The following NFIC variants were observed in gnomAD, a reference collection of about 807,000 sequenced individuals.
The protein encoded by NFIC is nuclear factor 1 C-type.
A neutral mutation model predicts 54.4 loss-of-function variants in NFIC; 12 were observed. The observed-to-expected ratio is 0.22, with a 90% CI of 0.14 to 0.36. The LOEUF is 0.36. Ranked by LOEUF, NFIC falls within the 10% of genes least tolerant of loss-of-function variation. The pLI is 1.00. For missense variants in NFIC, 575 were observed against 718.2 expected, an observed-to-expected ratio of 0.80 and a Z score of 2.28; for synonymous variants, 322 against 319.2, an observed-to-expected ratio of 1.01 and a Z score of -0.09.
chr19:3,448,076 C>T (rs915158378), intron 6 of NFIC, among the ~76,000 whole-genome samples: 4 of 148,798 alleles, frequency 2.7e-5, no homozygotes, highest in African/African-American at 9.9e-5. Flanking sequence ...GACTATCCAT[C>T]TGTTTTTTGT....
At chr19:3,389,759 G>T (rs1034291976) in intron 2 of NFIC, among the ~76,000 whole-genome samples, 1 of 152,110 alleles carries the variant, frequency 6.6e-6, no homozygotes, top group African/African-American at 2.4e-5. Flanking sequence ...CAGGCGGGTG[G>T]ATCACCTGAG....
At chr19:3,371,486 C>CGAAT (rs923625050) in intron 1 of NFIC, 16 of 68,656 alleles carry the variant, frequency 2.3e-4, no homozygotes, top group Admixed American at 5.4e-4. Flanking sequence ...ACCTGTTGCA[C>CGAAT]GAATGAATGA....
At chr19:3,411,132 C>T (rs1308696942) in intron 2 of NFIC, 1 of 152,044 alleles carries the variant, frequency 6.6e-6, no homozygotes, top group Non-Finnish European at 1.5e-5. Flanking sequence ...CCTCCTGCCT[C>T]AGCCTCTTGA....
At position 3,434,927 on chromosome 19, in the gene NFIC, G is replaced by A. The variant is rs528491773; in HGVS notation, c.834-156G>A. ...GGACAGGTTGGAACAGGCGTTCGTA[G>A]GGAACGGGCTGAACGCCCGCGGCTC... is the stretch of plus-strand genomic sequence containing the variant. On this transcript the variant is annotated intron_variant, in intron 5 of 10. Coordinates refer to ENST00000443272, the MANE Select transcript of NFIC (RefSeq NM_001245002.2). 8.2e-5 allele frequency: 83 copies of A among 1,011,492 alleles called. No individual in the cohort carries two copies. The African/African-American group carries it at 1.2e-3, about 15-fold the overall frequency. 62.7% of individuals were successfully genotyped at this position (1,011,492 alleles called of 1,614,324 possible). A position where few individuals can be genotyped will look rare whatever the true frequency, so the allele number is the denominator to read the frequency against.
chr19:3,365,788 G>A (rs2080871743), upstream of NFIC, among the ~76,000 whole-genome samples: 2 of 152,140 alleles, frequency 1.3e-5, no homozygotes, highest in African/African-American at 4.8e-5. Context: ...CCCCTCCCCT[G>A]CCCCTTGGGT....
In NFIC at chr19:3,463,643, C is replaced by T. The variant is rs1483567410; in HGVS notation, c.*874C>T. ...CGGCCCCTCCACCCCCCACCCCCGGCATAGGAGGCCCCCCCACCTCGCCCG... is the reference window on the plus strand; with the variant it reads ...CGGCCCCTCCACCCCCCACCCCCGGTATAGGAGGCCCCCCCACCTCGCCCG... On this transcript the variant is annotated 3_prime_UTR_variant, in exon 11 of 11. Transcript: ENST00000443272. 42 of 962,456 alleles carry T rather than the reference C, an allele frequency of 4.4e-5. 1 individual carries two copies. The East Asian group carries it at 4.5e-3, about 104-fold the overall frequency. 59.6% of individuals were successfully genotyped at this position (962,456 alleles called of 1,614,324 possible). A position where few individuals can be genotyped will look rare whatever the true frequency, so the allele number is the denominator to read the frequency against.
intron 2 of NFIC, among the ~76,000 whole-genome samples, chr19:3,404,752 G>A (rs1018345996): frequency 4.6e-5 from 7 of 152,226 alleles, no homozygotes; most frequent in South Asian, 2.1e-4. Context: ...TGTCATGGGC[G>A]GCGTGGCCTC....
At chr19:3,404,423 G>A (rs970101708) in intron 2 of NFIC, among the ~76,000 whole-genome samples, 1 of 152,166 alleles carries the variant, frequency 6.6e-6, no homozygotes, top group African/African-American at 2.4e-5. Flanking sequence ...GAGGGGGCGC[G>A]GAGGCGTGGG....
Position 3,404,011 on chromosome 19 carries a change from C to A in NFIC, c.563-21095C>A, listed in dbSNP as rs1037563640. ...TGGCTCCCGGGGCTCCCTTCTCCAC[C>A]CCCCCAGCCCCTGGCCTGCCCCTTT... On this transcript the variant is annotated intron_variant, in intron 2 of 10. Coordinates refer to ENST00000443272, the MANE Select transcript of NFIC (RefSeq NM_001245002.2). Among the ~76,000 whole-genome samples, 9 of 152,094 alleles carry A rather than the reference C, an allele frequency of 5.9e-5. No individual in the cohort carries two copies. In the East Asian group the frequency reaches 1.2e-3, roughly 20 times the overall value.
chr19:3,438,342 G>C (rs1476866992), intron 6 of NFIC, among the ~76,000 whole-genome samples: 1 of 151,940 alleles, frequency 6.6e-6, no homozygotes, highest in Non-Finnish European at 1.5e-5. Flanking sequence ...CGCAGAGCTA[G>C]CAGGGAATGT....
intron 1 of NFIC, chr19:3,359,720 G>T: frequency 1.4e-6 from 2 of 1,422,594 alleles, no homozygotes; most frequent in Non-Finnish European, 1.9e-6. Context: ...TTTCGCCCGG[G>T]GACTTTTTGG....
chr19:3,449,027 G>A lies in NFIC; in HGVS notation c.972G>A (p.Pro324=), dbSNP rs771944664. 2.6e-5 allele frequency: 42 copies of A among 1,612,786 alleles called. No homozygotes were observed. The highest frequency in any genetic ancestry group is 4.0e-5 in the African/African-American group (3 of 74,872). ...TCCCCTCCACAGGCATCTCGTCCCC[G>A]GTGAAGAAGACAGAGATGGACAAGT... ...TEDMEGGISS[P]VKKTEMDKSP... Residue 324 remains proline, a synonymous_variant, in exon 7 of 11, where the codon CCG becomes CCA. Coordinates refer to ENST00000443272, the MANE Select transcript of NFIC (RefSeq NM_001245002.2).
intron 7 of NFIC, among the ~76,000 whole-genome samples, chr19:3,450,651 T>C (rs1034448041): frequency 1.2e-4 from 18 of 151,346 alleles, no homozygotes; most frequent in African/African-American, 3.9e-4. Flanking sequence ...CAAGACTCCA[T>C]CTCAAAAAAA....
At chr19:3,437,324 C>T (rs1050679791) in intron 6 of NFIC, among the ~76,000 whole-genome samples, 5 of 151,588 alleles carry the variant, frequency 3.3e-5, no homozygotes, top group African/African-American at 7.3e-5. Context: ...GCTGAGATGG[C>T]GCCACTGCAC....
intron 2 of NFIC, among the ~76,000 whole-genome samples, chr19:3,406,855 G>A (rs1436545784): frequency 2.0e-5 from 3 of 152,196 alleles, no homozygotes; most frequent in Non-Finnish European, 4.4e-5. Flanking sequence ...TGAATAAAGC[G>A]AGAGAGTGAG....
chr19:3,469,214 T>C lies in NFIC; in HGVS notation c.*6445T>C, dbSNP rs963096847. ...AAAATTAAACAAGCTATGCTTCGACTCTTTCTGGCTGTCCCGGGTCCTCTT... is the reference window on the plus strand; with the variant it reads ...AAAATTAAACAAGCTATGCTTCGACCCTTTCTGGCTGTCCCGGGTCCTCTT... On this transcript the variant is annotated 3_prime_UTR_variant, in exon 11 of 11. Coordinates refer to ENST00000443272, the MANE Select transcript of NFIC (RefSeq NM_001245002.2). The C allele has an allele frequency of 1.3e-5, 2 of 152,154 alleles. No individual in the cohort carries two copies. The highest frequency in any genetic ancestry group is 2.4e-5 in the African/African-American group (1 of 41,426). 9.4% of individuals were successfully genotyped at this position (152,154 alleles called of 1,614,324 possible).
At chr19:3,403,803 G>T (rs909945677) in intron 2 of NFIC, among the ~76,000 whole-genome samples, 1 of 152,114 alleles carries the variant, frequency 6.6e-6, no homozygotes, top group African/African-American at 2.4e-5. Flanking sequence ...GGGAAGCCGG[G>T]AGGGGCCTCC....
intron 2 of NFIC, 141 bp from the exon 3 acceptor site, chr19:3,424,965 G>T: frequency 1.3e-6 from 1 of 796,724 alleles, no homozygotes; most frequent in Non-Finnish European, 2.0e-6. Context: ...GAGACCCCAG[G>T]GCCTGGGTGT....
chr19:3,422,004 T>C (rs574112281), intron 2 of NFIC, among the ~76,000 whole-genome samples: 35 of 152,244 alleles, frequency 2.3e-4, no homozygotes, highest in Middle Eastern at 6.8e-3. Context: ...TGGCGCGATC[T>C]TGGCTCACCG....
Sources: gnomAD v4.1 joint callset for allele counts (sites outside exome capture counted in the v4.1 genomes callset) on GRCh38, gnomAD v4.1.1 for gene constraint, MANE v1.5 for transcripts, NCBI Gene and HGNC (gene_info 2026-07-23, HGNC 2026-07-21) for gene names.